Variants in IMMP2L observed in about 807,000 individuals in gnomAD.
IMMP2L encodes mitochondrial inner membrane protease subunit 2.
In IMMP2L, 18 loss-of-function variants were observed where a neutral mutation model predicts 19.3. That is an observed-to-expected ratio of 0.93 (90% confidence interval 0.64 to 1.38). The LOEUF (loss-of-function observed/expected upper bound fraction) is 1.38. IMMP2L is among the 40% of genes most tolerant of loss of function. The pLI is 0.00. For missense variants in IMMP2L, 233 were observed against 218.2 expected (o/e 1.07, Z -0.43); for synonymous variants, 76 against 73.0 (o/e 1.04, Z -0.21).
chr7:110,954,632 A>G (rs1297677329), intron 4 of IMMP2L, among the ~76,000 whole-genome samples: 2 of 152,094 alleles, frequency 1.3e-5, no homozygotes, highest in Non-Finnish European at 2.9e-5. Flanking sequence ...GATGAGGAAG[A>G]TTTAATTTAC....
chr7:111,099,875 A>G (rs1455765954), intron 3 of IMMP2L: 2 of 151,710 alleles, frequency 1.3e-5, no homozygotes, highest in Non-Finnish European at 3.0e-5. Context: ...CTTACATACA[A>G]CAAAGACGAG....
chr7:110,950,915 T>C (rs1817767764), intron 4 of IMMP2L, among the ~76,000 whole-genome samples: 1 of 147,242 alleles, frequency 6.8e-6, no homozygotes, highest in Non-Finnish European at 1.5e-5. Context: ...GCCAAATATA[T>C]ATATATATGA....
At chr7:111,016,846 TA>T (rs1563163286) in intron 3 of IMMP2L, among the ~76,000 whole-genome samples, 2 of 86,236 alleles carry the variant, frequency 2.3e-5, no homozygotes, top group East Asian at 3.3e-4. Flanking sequence ...ATATTATATA[TA>T]ATATATATTA....
intron 3 of IMMP2L, among the ~76,000 whole-genome samples, chr7:111,465,941 A>G (rs1165292571): frequency 6.6e-6 from 1 of 152,192 alleles, no homozygotes; most frequent in African/African-American, 2.4e-5. Flanking sequence ...TCCAAGAATG[A>G]TAGACTGGAT....
At chr7:110,835,976 T>C (rs551124971) in intron 5 of IMMP2L, among the ~76,000 whole-genome samples, 1 of 152,054 alleles carries the variant, frequency 6.6e-6, no homozygotes, top group African/African-American at 2.4e-5. Flanking sequence ...CAACACCCAA[T>C]TGTTCACTGT....
At chr7:110,683,179 T>A (rs1792853815) in intron 5 of IMMP2L, among the ~76,000 whole-genome samples, 1 of 152,104 alleles carries the variant, frequency 6.6e-6, no homozygotes, top group African/African-American at 2.4e-5. Flanking sequence ...CTGAAACTTA[T>A]GTTCAGGTAG....
chr7:111,037,936 C>G (rs1170997160), intron 3 of IMMP2L, among the ~76,000 whole-genome samples: 1 of 151,914 alleles, frequency 6.6e-6, no homozygotes, highest in African/African-American at 2.4e-5. Context: ...AAAAAAGTTG[C>G]GGGGATATCT....
intron 5 of IMMP2L, among the ~76,000 whole-genome samples, chr7:110,816,426 G>A (rs1802523221): frequency 6.6e-6 from 1 of 151,344 alleles, no homozygotes; most frequent in South Asian, 2.1e-4. Flanking sequence ...GTGGTGCTGA[G>A]AAGAATGTAT....
intron 3 of IMMP2L, among the ~76,000 whole-genome samples, chr7:111,347,777 G>A (rs995529324): frequency 6.6e-6 from 1 of 151,986 alleles, no homozygotes; most frequent in African/African-American, 2.4e-5. Flanking sequence ...TTCCTGCAAT[G>A]AGCTTCTACT....
intron 3 of IMMP2L, among the ~76,000 whole-genome samples, chr7:111,367,030 A>G (rs1241527152): frequency 4.0e-5 from 6 of 151,852 alleles, no homozygotes; most frequent in Non-Finnish European, 8.8e-5. Flanking sequence ...GAAAAAAAGC[A>G]GGCAAAAGAT....
At chr7:110,734,719 TCAAA>T (rs139346353) in intron 5 of IMMP2L, among the ~76,000 whole-genome samples, 106,616 of 148,978 alleles carry the variant, frequency 0.72, 37,919 homozygotes, top group East Asian at 0.85. Context: ...TTAATTTGTT[TCAAA>T]CAAACAAACA....
chr7:111,238,216 TAAGG>T (rs1489547638), intron 3 of IMMP2L, among the ~76,000 whole-genome samples: 3 of 151,928 alleles, frequency 2.0e-5, no homozygotes, highest in Non-Finnish European at 4.4e-5. Context: ...TCCTGTACCA[TAAGG>T]AAGAAGACAG....
At chr7:111,291,193 T>C (rs1821066529) in intron 3 of IMMP2L, among the ~76,000 whole-genome samples, 1 of 151,930 alleles carries the variant, frequency 6.6e-6, no homozygotes, top group African/African-American at 2.4e-5. Context: ...CAATTTGGGG[T>C]GATTCAATCA....
chr7:111,526,740 A>C (rs1417718255), intron 1 of IMMP2L, among the ~76,000 whole-genome samples: 1 of 152,156 alleles, frequency 6.6e-6, no homozygotes, highest in Non-Finnish European at 1.5e-5. Flanking sequence ...GTTCTGTCAA[A>C]TATTCGCTAC....
At chr7:111,242,223 G>T (rs757821374) in intron 3 of IMMP2L, among the ~76,000 whole-genome samples, 1 of 152,018 alleles carries the variant, frequency 6.6e-6, no homozygotes, top group African/African-American at 2.4e-5. Flanking sequence ...GTTGCTCAGT[G>T]ATCAGTCAGT....
intron 5 of IMMP2L, among the ~76,000 whole-genome samples, chr7:110,865,172 C>T (rs971687192): frequency 1.3e-5 from 2 of 151,962 alleles, no homozygotes; most frequent in African/African-American, 2.4e-5. Context: ...GAAGCGCATA[C>T]ATTTGCACAC....
At position 111,034,371 on chromosome 7, in the gene IMMP2L, T is replaced by C. The variant is rs142684433; in HGVS notation, c.240-70806A>G. Among the ~76,000 whole-genome samples the C allele has an allele frequency of 1.8e-4, 27 of 152,242 alleles. No individual in the cohort carries two copies. The East Asian group carries it at 4.8e-3, about 27-fold the overall frequency. On this transcript the variant is annotated intron_variant, in intron 3 of 5. Coordinates refer to ENST00000405709, the MANE Select transcript of IMMP2L (RefSeq NM_032549.4). ...TAATGGAGTTATAAACAGAATTTTA[T>C]AGGCATAGGGGAAAGGCATTAATTA...
chr7:110,860,738 T>G (rs958744290), intron 5 of IMMP2L, among the ~76,000 whole-genome samples: 1 of 152,078 alleles, frequency 6.6e-6, no homozygotes, highest in Non-Finnish European at 1.5e-5. Context: ...CATCAACAGC[T>G]CCCAAATCAC....
chr7:111,200,102 G>A (rs568810846), intron 3 of IMMP2L, among the ~76,000 whole-genome samples: 22 of 152,050 alleles, frequency 1.4e-4, no homozygotes, highest in South Asian at 1.0e-3. Context: ...TATTTTTATT[G>A]TACATATGAA....
Sources: gnomAD v4.1 joint callset for allele counts (sites outside exome capture counted in the v4.1 genomes callset) on GRCh38, gnomAD v4.1.1 for gene constraint, MANE v1.5 for transcripts, NCBI Gene and HGNC (gene_info 2026-07-23, HGNC 2026-07-21) for gene names.